Variants in TEX11 observed in about 807,000 individuals in gnomAD.
TEX11 encodes the protein testis-expressed protein 11.
TEX11 carries 7 observed loss-of-function variants against 84.4 expected under a neutral mutation model. The ratio of observed to expected loss-of-function variants is 0.08; its 90% CI spans 0.05 to 0.16. The LOEUF (loss-of-function observed/expected upper bound fraction) is 0.16. Among genes scored for constraint, TEX11 ranks in the 10% least tolerant of loss-of-function variants. TEX11 has a pLI of 1.00. For missense variants in TEX11, 551 were observed against 660.5 expected (o/e 0.83, Z 1.82); for synonymous variants, 264 against 222.8 (o/e 1.18, Z -1.64).
At chrX:70,883,595 T>C (rs183154634) in intron 2 of TEX11, among the ~76,000 whole-genome samples, 75 of 111,092 alleles carry the variant, frequency 6.8e-4, no homozygotes, top group African/African-American at 2.2e-3. Context: ...CAAAATGCAG[T>C]CTACTCCTGA....
intron 24 of TEX11, among the ~76,000 whole-genome samples, chrX:70,592,551 A>C (rs5936937): frequency 9.1e-6 from 1 of 110,353 alleles, no homozygotes; most frequent in African/African-American, 3.3e-5. Flanking sequence ...CAAGCTCAGG[A>C]TCCTGGGTCT....
intron 2 of TEX11, among the ~76,000 whole-genome samples, chrX:70,896,770 A>T (rs967732805): frequency 1.4e-4 from 15 of 110,887 alleles, no homozygotes; most frequent in Middle Eastern, 4.6e-3. Flanking sequence ...TAACACAGGA[A>T]CAGAAAACCA....
At chrX:70,670,606 G>T (rs1158914625) in intron 15 of TEX11, 92 bp from the exon 16 acceptor site, 9 of 1,030,036 alleles carry the variant, frequency 8.7e-6, no homozygotes, top group Non-Finnish European at 1.2e-5. Context: ...GATGCTGTTG[G>T]TTTCTTTTTT....
chrX:70,726,145 TATGTG>T (rs1298700348), intron 11 of TEX11, among the ~76,000 whole-genome samples: 2 of 112,506 alleles, frequency 1.8e-5, no homozygotes. Context: ...TTTGTTGAAG[TATGTG>T]TTGGATTCAA....
intron 13 of TEX11, among the ~76,000 whole-genome samples, chrX:70,691,820 C>T (rs966497224): frequency 9.1e-6 from 1 of 109,752 alleles, no homozygotes; most frequent in Non-Finnish European, 1.9e-5. Flanking sequence ...AGTATCCTCT[C>T]TATAAAAAAA....
chrX:70,817,088 G>A (rs1444067974), intron 8 of TEX11, among the ~76,000 whole-genome samples: 1 of 110,264 alleles, frequency 9.1e-6, no homozygotes, highest in East Asian at 2.8e-4. Flanking sequence ...TGAAACAGAC[G>A]ATATCATGGT....
chrX:70,810,157 G>A (rs1472255142), intron 8 of TEX11, among the ~76,000 whole-genome samples: 1 of 111,818 alleles, frequency 8.9e-6, no homozygotes, highest in African/African-American at 3.2e-5. Flanking sequence ...ATGCTGGAGA[G>A]GATGTGGAGA....
chrX:70,527,366 ACT>A (rs200514965), downstream of TEX11, among the ~76,000 whole-genome samples: 6,072 of 112,013 alleles, frequency 0.054, 132 homozygotes, highest in East Asian at 0.11. Flanking sequence ...GGTATGATGC[ACT>A]GAGAACACAT....
chrX:70,564,808 T>C (rs1386806514), intron 25 of TEX11, among the ~76,000 whole-genome samples: 1 of 110,186 alleles, frequency 9.1e-6, no homozygotes, highest in Non-Finnish European at 1.9e-5. Context: ...CTATCATTGT[T>C]GGACATTTGG....
intron 4 of TEX11, among the ~76,000 whole-genome samples, chrX:70,864,458 C>T (rs969268789): frequency 2.7e-5 from 3 of 110,414 alleles, no homozygotes; most frequent in Non-Finnish European, 3.8e-5. Context: ...GAATTTTCAG[C>T]GGGGTGCAGT....
chrX:70,868,666 G>A lies in TEX11; in HGVS notation c.244+4557C>T, dbSNP rs185479620. On this transcript the variant is annotated intron_variant, in intron 4 of 29. Coordinates refer to ENST00000374333, the MANE Select transcript of TEX11 (RefSeq NM_031276.3). ...TGATAGACTGGATAAAGAAAATGTG[G>A]CACATATACACCATGGAATACTATG... Among the ~76,000 whole-genome samples the A allele has an allele frequency of 6.1e-4, 68 of 111,580 alleles. No individual in the cohort carries two copies. The East Asian group carries it at 0.017, about 28-fold the overall frequency.
chrX:70,516,166 T>C, the TEX11 span, among the ~76,000 whole-genome samples: 2 of 109,514 alleles, frequency 1.8e-5, no homozygotes, highest in Admixed American at 2.0e-4. Context: ...TTGCCATTGC[T>C]TTTGGTGTTT....
rs377501439 is a variant in TEX11 at position 70,773,919 on chromosome X, A to G, written c.693-29700T>C. On this transcript the variant is annotated intron_variant, in intron 9 of 29. Coordinates refer to ENST00000374333, the MANE Select transcript of TEX11 (RefSeq NM_031276.3). Reference sequence around the variant, plus strand: ...TGCGAGCTGAGAGAGAGACTCCCCAATGCAGAGAAAGAGTGAGAGACCCCA... The same window carrying G: ...TGCGAGCTGAGAGAGAGACTCCCCAGTGCAGAGAAAGAGTGAGAGACCCCA... Among the ~76,000 whole-genome samples the G allele has an allele frequency of 1.2e-4, 13 of 111,204 alleles. No individual in the cohort carries two copies. The East Asian group carries it at 1.7e-3, about 15-fold the overall frequency.
chrX:70,684,780 T>C (rs2090174044), intron 13 of TEX11, among the ~76,000 whole-genome samples: 1 of 112,032 alleles, frequency 8.9e-6, no homozygotes, highest in South Asian at 3.8e-4. Flanking sequence ...CAATGGCATT[T>C]TTCACAGAAA....
intron 17 of TEX11, among the ~76,000 whole-genome samples, chrX:70,646,330 T>C (rs1329609948): frequency 5.4e-5 from 6 of 111,732 alleles, no homozygotes; most frequent in African/African-American, 1.9e-4. Flanking sequence ...AAAGAAAACA[T>C]AGAGGAAAAG....
At chrX:70,581,903 T>A in intron 25 of TEX11, among the ~76,000 whole-genome samples, 1 of 111,917 alleles carries the variant, frequency 8.9e-6, no homozygotes, top group East Asian at 2.8e-4. Context: ...AAGGGAAAAG[T>A]AGTTTGTTTC....
chrX:70,581,462 C>A (rs1418785114), intron 25 of TEX11, among the ~76,000 whole-genome samples: 1 of 109,260 alleles, frequency 9.2e-6, no homozygotes, highest in African/African-American at 3.3e-5. Flanking sequence ...CCACACCCGG[C>A]TAATTTTTTG....
At chrX:70,726,306 AAAC>A (rs2090599251) in intron 11 of TEX11, among the ~76,000 whole-genome samples, 1 of 111,518 alleles carries the variant, frequency 9.0e-6, no homozygotes, top group Non-Finnish European at 1.9e-5. Context: ...TTTCATTACC[AAAC>A]AACCCCAGAT....
At chrX:70,733,872 C>T (rs2090674764) in intron 11 of TEX11, among the ~76,000 whole-genome samples, 1 of 111,459 alleles carries the variant, frequency 9.0e-6, no homozygotes, top group African/African-American at 3.3e-5. Flanking sequence ...TATTGCGGCA[C>T]TATTCACAAT....
Sources: gnomAD v4.1 joint callset for allele counts (sites outside exome capture counted in the v4.1 genomes callset) on GRCh38, gnomAD v4.1.1 for gene constraint, MANE v1.5 for transcripts, NCBI Gene and HGNC (gene_info 2026-07-23, HGNC 2026-07-21) for gene names.